The following CSPP1 variants were observed in gnomAD, a reference collection of about 807,000 sequenced individuals.
The protein encoded by CSPP1 is centrosome and spindle pole-associated protein 1.
In CSPP1, 126 loss-of-function variants were observed where a neutral mutation model predicts 164.4. The ratio of observed to expected loss-of-function variants is 0.77; its 90% confidence interval spans 0.66 to 0.89. The LOEUF (loss-of-function observed/expected upper bound fraction) is 0.89, where lower values mean the gene tolerates loss of function less well. Ranked by LOEUF, CSPP1 falls within the 40% of genes least tolerant of loss-of-function variation. The pLI is 0.00. For synonymous variants in CSPP1, 472 were observed against 476.7 expected (o/e 0.99, Z 0.13); for missense variants, 1,395 against 1,449.8 (o/e 0.96, Z 0.61).
intron 28 of CSPP1, among the ~76,000 whole-genome samples, chr8:67,190,040 T>G (rs1859267926): frequency 6.6e-6 from 1 of 152,020 alleles, no homozygotes; most frequent in Admixed American, 6.6e-5. Context: ...AAATGCAGAG[T>G]AGAGTTAACC....
intron 3 of CSPP1, 77 bp from the exon 4 acceptor site, chr8:67,085,930 C>A: frequency 1.4e-6 from 1 of 738,514 alleles, no homozygotes; most frequent in Non-Finnish European, 2.5e-6. Flanking sequence ...TTCCTTCTTA[C>A]TGTGCTTTGT....
chr8:67,147,975 G>A (rs1023253571), intron 17 of CSPP1, among the ~76,000 whole-genome samples: 7 of 152,054 alleles, frequency 4.6e-5, no homozygotes, highest in African/African-American at 1.2e-4. Flanking sequence ...CTGAAGTGCA[G>A]TGGTGTAATT....
intron 8 of CSPP1, among the ~76,000 whole-genome samples, chr8:67,105,181 A>G (rs1358029852): frequency 6.7e-6 from 1 of 150,108 alleles, no homozygotes; most frequent in Non-Finnish European, 1.5e-5. Flanking sequence ...GTGTGCCACC[A>G]TGTCCAGCTA....
In CSPP1 at chr8:67,164,465, G is replaced by C. The variant is rs1486094930; in HGVS notation, c.2785G>C (p.Glu929Gln). The change falls in exon 24 of 31, where the codon GAG becomes CAG. Residue 929 changes from glutamate to glutamine, a missense_variant. Coordinates refer to ENST00000678616, the MANE Select transcript of CSPP1 (RefSeq NM_001382391.1). ...TCGTAGTGAAGAGAGGCGTCTACAA[G>C]AGCGATTGCTACACATGGACAGTGA... ...QLRSEERRLQERLLHMDSDDE... is the reference protein window; with the variant it reads ...QLRSEERRLQQRLLHMDSDDE... 2 of 1,600,874 alleles carry C rather than the reference G, an allele frequency of 1.2e-6. No homozygotes were observed. The highest frequency in any genetic ancestry group is 2.7e-5 in the African/African-American group (2 of 74,674).
chr8:67,168,060 C>T (rs900858087), intron 24 of CSPP1, among the ~76,000 whole-genome samples: 99 of 149,766 alleles, frequency 6.6e-4, no homozygotes, highest in African/African-American at 1.7e-3. Context: ...CTCGGGAGGC[C>T]GAGGCTGGCA....
intron 18 of CSPP1, among the ~76,000 whole-genome samples, chr8:67,151,948 C>T (rs1358492007): frequency 1.3e-5 from 2 of 151,346 alleles, no homozygotes; most frequent in Admixed American, 6.6e-5. Context: ...ATTAGCTGGG[C>T]GTGGTGGCAT....
chr8:67,153,020 A>G (rs754841590), intron 18 of CSPP1, among the ~76,000 whole-genome samples: 9 of 152,130 alleles, frequency 5.9e-5, no homozygotes, highest in Non-Finnish European at 1.3e-4. Context: ...CAATGTGACG[A>G]AATCCCGTCT....
chr8:67,086,883 T>C, intron 4 of CSPP1: 1 of 1,268,706 alleles, frequency 7.9e-7, no homozygotes, highest in Non-Finnish European at 1.1e-6. Context: ...TTCAGTTTTT[T>C]CTTTCTTTTT....
intron 3 of CSPP1, among the ~76,000 whole-genome samples, chr8:67,077,416 G>C (rs1276481042): frequency 2.0e-5 from 3 of 151,430 alleles, no homozygotes; most frequent in Non-Finnish European, 4.4e-5. Flanking sequence ...GCTCACTGCC[G>C]CCTCCACCTC....
intron 30 of CSPP1, among the ~76,000 whole-genome samples, chr8:67,194,991 AAAAAAG>A (rs1837563352): frequency 6.6e-6 from 1 of 152,148 alleles, no homozygotes. Context: ...AAATAAAAAG[AAAAAAG>A]AAAGAAATTT....
At chr8:67,077,497 A>G (rs1808207396) in intron 3 of CSPP1, among the ~76,000 whole-genome samples, 1 of 152,012 alleles carries the variant, frequency 6.6e-6, no homozygotes. Context: ...CACCACACTC[A>G]GCTAATTGTT....
intron 1 of CSPP1, among the ~76,000 whole-genome samples, chr8:67,072,415 A>G (rs1196076112): frequency 6.6e-6 from 1 of 152,212 alleles, no homozygotes; most frequent in Non-Finnish European, 1.5e-5. Flanking sequence ...CTTACAAACC[A>G]CAGATTGGCA....
intron 19 of CSPP1, among the ~76,000 whole-genome samples, 163 bp from the exon 20 acceptor site, chr8:67,158,284 A>G (rs1827050533): frequency 1.3e-5 from 2 of 152,234 alleles, no homozygotes; most frequent in Admixed American, 1.3e-4. Context: ...TTAACAGTAC[A>G]GTAAATCATG....
intron 28 of CSPP1, among the ~76,000 whole-genome samples, chr8:67,189,390 A>G (rs1007847741): frequency 6.6e-6 from 1 of 152,236 alleles, no homozygotes; most frequent in Non-Finnish European, 1.5e-5. Flanking sequence ...GTGAATGGAT[A>G]AAGTGTGGTA....
chr8:67,137,052 GCTGACTACAAA>G (rs919629970), intron 16 of CSPP1, among the ~76,000 whole-genome samples: 5 of 152,080 alleles, frequency 3.3e-5, no homozygotes, highest in African/African-American at 9.6e-5. Flanking sequence ...CATGATCTTG[GCTGACTACAAA>G]CTCCACCTCC....
intron 9 of CSPP1, among the ~76,000 whole-genome samples, chr8:67,107,528 C>G (rs953103856): frequency 5.9e-5 from 9 of 152,178 alleles, no homozygotes; most frequent in African/African-American, 2.2e-4. Context: ...ACAATGGACT[C>G]TAACATTTGA....
chr8:67,108,651 C>T (rs1456023781), intron 9 of CSPP1, among the ~76,000 whole-genome samples: 1 of 152,130 alleles, frequency 6.6e-6, no homozygotes, highest in African/African-American at 2.4e-5. Flanking sequence ...TCCCCTTCTC[C>T]GCAGTATATT....
intron 17 of CSPP1, among the ~76,000 whole-genome samples, chr8:67,148,319 A>G (rs1825025731): frequency 6.6e-6 from 1 of 152,224 alleles, no homozygotes; most frequent in Admixed American, 6.5e-5. Flanking sequence ...TAGGATATTG[A>G]AGAATAGGTA....
chr8:67,159,509 CTTTTTTTT>C (rs1172369424), intron 21 of CSPP1, among the ~76,000 whole-genome samples: 4 of 48,914 alleles, frequency 8.2e-5, no homozygotes, highest in Admixed American at 5.0e-4. Flanking sequence ...TATATGTATT[CTTTTTTTT>C]TTTTTTTTTT....
Sources: allele counts gnomAD v4.1 joint callset (sites outside exome capture counted in the v4.1 genomes callset), GRCh38; gene constraint gnomAD v4.1.1; transcripts MANE v1.5; gene names NCBI Gene and HGNC (gene_info 2026-07-23, HGNC 2026-07-21).